Variants in ICAM5 observed in about 807,000 individuals in gnomAD.
The protein encoded by ICAM5 is intercellular adhesion molecule 5, also known as ICAM-5.
ICAM5 carries 38 observed loss-of-function variants against 78.8 expected under a neutral mutation model. The ratio of observed to expected loss-of-function variants is 0.48; its 90% CI spans 0.37 to 0.63. The LOEUF (loss-of-function observed/expected upper bound fraction) is 0.63, where lower values mean the gene tolerates loss of function less well. Ranked by LOEUF, ICAM5 falls within the 30% of genes least tolerant of loss-of-function variation. ICAM5 has a pLI of 0.00. For missense variants in ICAM5, 1,059 were observed against 1,303.0 expected (o/e 0.81, Z 2.88); for synonymous variants, 544 against 590.9 (o/e 0.92, Z 1.15).
Position 10,296,370 on chromosome 19 carries a change from G to T in ICAM5, c.2529G>T (p.Ala843=). The T allele has an allele frequency of 4.0e-6, 5 of 1,254,374 alleles. No homozygotes were observed. The highest frequency in any genetic ancestry group is 5.0e-6 in the Non-Finnish European group (5 of 991,956). 77.7% of individuals were successfully genotyped at this position (1,254,374 alleles called of 1,614,324 possible). ...GGCTATGGGTCGCCGTGGGCGGCGC[G>T]GCGGGGGGCGCGGCGCTGCTGGCCG... The part of the protein sequence containing the change: ...GPWLWVAVGG[A]AGGAALLAAG... The change falls in exon 11 of 11, where the codon GCG becomes GCT. Residue 843 remains alanine (A), a synonymous_variant. Transcript: ENST00000221980.
At chr19:10,295,230 C>CT (rs34124276) in intron 9 of ICAM5, 116 bp from the exon 10 acceptor site, 435,877 of 1,179,808 alleles carry the variant, frequency 0.37, 84,483 homozygotes, top group Admixed American at 0.49. Flanking sequence ...AGGCAGGATC[C>CT]TCTTCTGCCC....
Position 10,291,097 on chromosome 19 carries a change from G to C in ICAM5, c.108G>C (p.Ala36=). The C allele has an allele frequency of 6.2e-7, 1 of 1,611,350 alleles. No homozygotes were observed. The highest frequency in any genetic ancestry group is 8.5e-7 in the Non-Finnish European group (1 of 1,179,312). ...CGGTCTCGCAGGAGCCCTTCTGGGC[G>C]GACCTGCAGCCTCGCGTGGCGTTCG... The part of the protein sequence containing the change: ...LSAVSQEPFW[A]DLQPRVAFVE... Residue 36 remains alanine, a synonymous_variant, in exon 2 of 11, where the codon GCG becomes GCC. Coordinates refer to ENST00000221980, the MANE Select transcript of ICAM5 (RefSeq NM_003259.4).
chr19:10,294,655 CACCGGATGGAGGGG>C lies in ICAM5; in HGVS notation c.2230+18_2230+31del. On this transcript the variant is annotated intron_variant, in intron 9 of 10. Transcript: ENST00000221980. This position sits in a 1 kb window ranked among gnomAD's most constrained non-coding sequence, Gnocchi z 7.7. ...GGGCGTGGAATGTGAGTGGGGGCAGCACCGGATGGAGGGGACACGGTCCTCGGAAGAATGACTCG... is the reference window on the plus strand; with the variant it reads ...GGGCGTGGAATGTGAGTGGGGGCAGCACACGGTCCTCGGAAGAATGACTCG... 1 of 1,612,390 alleles carries C rather than the reference CACCGGATGGAGGGG, an allele frequency of 6.2e-7. No homozygotes were observed. The highest frequency in any genetic ancestry group is 1.7e-5 in the Admixed American group (1 of 59,712).
Position 10,293,689 on chromosome 19 carries a change from C to A in ICAM5, c.1466-9C>A. The A allele has an allele frequency of 6.2e-7, 1 of 1,610,762 alleles. No homozygotes were observed. Among genetic ancestry groups the A allele is most frequent in the South Asian group, 1.1e-5 (1 of 90,960 alleles). The stretch of plus-strand genomic sequence containing the variant: ...AACCCCAAAGCCAACAATACACTCC[C>A]TCCTCCAGACGCACCAGCGCTGGAC... On this transcript the variant is annotated splice_polypyrimidine_tract_variant and intron_variant, in intron 6 of 10. Coordinates refer to ENST00000221980, the MANE Select transcript of ICAM5 (RefSeq NM_003259.4). The surrounding 1 kb of genome is among the most constrained non-coding windows in gnomAD (Gnocchi z 5.0).
In ICAM5 at chr19:10,294,722, C is replaced by T; in HGVS notation, c.2230+82C>T. 1 of 1,576,044 alleles carries T rather than the reference C, an allele frequency of 6.3e-7. No homozygotes were observed. On this transcript the variant is annotated intron_variant, in intron 9 of 10. Coordinates refer to ENST00000221980, the MANE Select transcript of ICAM5 (RefSeq NM_003259.4). The surrounding 1 kb of genome is among the most constrained non-coding windows in gnomAD (Gnocchi z 7.7). Reference sequence around the variant, plus strand: ...GCGGTGGGAGCATTCAAGGGCACCTCTCCCAATCCCATTCTCGGGGACAGG... The same window carrying T: ...GCGGTGGGAGCATTCAAGGGCACCTTTCCCAATCCCATTCTCGGGGACAGG...
rs377423531 is a variant in ICAM5, at chr19:10,292,881, A to T, written c.1216+15A>T. 1.0e-5 allele frequency: 16 copies of T among 1,607,554 alleles called. No individual in the cohort carries two copies. In the African/African-American group the frequency reaches 1.9e-4, roughly 19 times the overall value. On this transcript the variant is annotated intron_variant, in intron 5 of 10. Coordinates refer to ENST00000221980, the MANE Select transcript of ICAM5 (RefSeq NM_003259.4). ...TCGTGTCCTATGTGAGTTGGTGATA[A>T]CCCCTCGCCCCCCACCTTCTGGTGA... is the stretch of plus-strand genomic sequence containing the variant.
chr19:10,294,236 A>C lies in ICAM5; in HGVS notation c.1908A>C (p.Arg636Ser), dbSNP rs771752095. 1 of 1,613,916 alleles carries C rather than the reference A, an allele frequency of 6.2e-7. No homozygotes were observed. The highest frequency in any genetic ancestry group is 2.2e-5 in the East Asian group (1 of 44,854). The change falls in exon 8 of 11, where the codon AGA becomes AGC. Residue 636 changes from arginine to serine, a missense_variant. Physicochemically the swap from Arg to Ser is moderately radical, Grantham distance 110 (BLOSUM62 -1). This residue lies in a region of ICAM5 where 815 missense variants were observed against 952.8 expected (regional missense o/e 0.86). Coordinates refer to ENST00000221980, the MANE Select transcript of ICAM5 (RefSeq NM_003259.4). This position sits in a 1 kb window ranked among gnomAD's most constrained non-coding sequence, Gnocchi z 7.7. ...DPSPRAPRIP[R>S]VLAPGIYVCN... ...GTCCCAGAGCTCCCAGAATCCCTAG[A>C]GTCCTGGCACCCGGTATCTACGTCT...
rs2040163280 is a variant in ICAM5, at chr19:10,290,589, C to T, written c.82+464C>T. 1 of 200,436 alleles carries T rather than the reference C, an allele frequency of 5.0e-6. No homozygotes were observed. The highest frequency in any genetic ancestry group is 1.0e-5 in the Non-Finnish European group (1 of 99,454). 12.4% of individuals were successfully genotyped at this position (200,436 alleles called of 1,614,324 possible). On this transcript the variant is annotated intron_variant, in intron 1 of 10. Coordinates refer to ENST00000221980, the MANE Select transcript of ICAM5 (RefSeq NM_003259.4). This position sits in a 1 kb window ranked among gnomAD's most constrained non-coding sequence, Gnocchi z 5.7. ...GGTTCCTTCCATGAGCCCAGCCTTG[C>T]GTCCCGGCTCCGTGTTCTTCACCGG...
At chr19:10,295,737 T>A in intron 10 of ICAM5, 125 bp downstream of exon 10, 2 of 1,156,162 alleles carry the variant, frequency 1.7e-6, no homozygotes, top group Non-Finnish European at 2.4e-6. Context: ...TGGGACAGAG[T>A]AGAAGTCAAA....
intron 10 of ICAM5, among the ~76,000 whole-genome samples, chr19:10,296,080 G>T (rs2081316028): frequency 6.6e-6 from 1 of 152,154 alleles, no homozygotes; most frequent in South Asian, 2.1e-4. Flanking sequence ...TGGGGGATGG[G>T]GAGAGTTGAC....
At chr19:10,296,277 G>C in intron 10 of ICAM5, 62 bp from the exon 11 acceptor site, 15 of 1,222,612 alleles carry the variant, frequency 1.2e-5, no homozygotes, top group Non-Finnish European at 1.4e-5. Flanking sequence ...TGGGAGTGCG[G>C]GGGGCGGTGG....
At position 10,290,927 on chromosome 19, in the gene ICAM5, G is replaced by A; in HGVS notation, c.83-145G>A. The A allele has an allele frequency of 9.3e-7, 1 of 1,071,782 alleles. No homozygotes were observed. Among genetic ancestry groups the A allele is most frequent in the Non-Finnish European group, 1.3e-6 (1 of 760,736 alleles). 66.4% of individuals were successfully genotyped at this position (1,071,782 alleles called of 1,614,324 possible). A position where few individuals can be genotyped will look rare whatever the true frequency, so the allele number is the denominator to read the frequency against. Reference sequence around the variant, plus strand: ...AGTGCGCCTTTAAACCGGAGGCCTGGGCAGGACGCGGGACGCCTGGGTTCT... The same window carrying A: ...AGTGCGCCTTTAAACCGGAGGCCTGAGCAGGACGCGGGACGCCTGGGTTCT... On this transcript the variant is annotated intron_variant, in intron 1 of 10. Coordinates refer to ENST00000221980, the MANE Select transcript of ICAM5 (RefSeq NM_003259.4). The surrounding 1 kb of genome is among the most constrained non-coding windows in gnomAD (Gnocchi z 5.7).
rs749948901 is a variant in ICAM5 at position 10,291,195 on chromosome 19, C to A, written c.206C>A (p.Thr69Asn). ...CPRPERGGLETSLRRNGTQRG... is the reference protein window; with the variant it reads ...CPRPERGGLENSLRRNGTQRG... ...CGGCCGGAGCGCGGTGGCCTGGAGA[C>A]CTCGCTGCGCCGAAACGGGACCCAG... is the stretch of plus-strand genomic sequence containing the variant. Residue 69 changes from threonine (T) to asparagine (N), a missense_variant, in exon 2 of 11, where the codon ACC becomes AAC. Physicochemically the swap from Thr to Asn is moderately conservative, Grantham distance 65. This residue lies in a region of ICAM5 where 815 missense variants were observed against 952.8 expected (regional missense o/e 0.86). Coordinates refer to ENST00000221980, the MANE Select transcript of ICAM5 (RefSeq NM_003259.4). 1 of 1,612,380 alleles carries A rather than the reference C, an allele frequency of 6.2e-7. No individual in the cohort carries two copies. The highest frequency in any genetic ancestry group is 8.5e-7 in the Non-Finnish European group (1 of 1,179,898).
chr19:10,294,103 G>T lies in ICAM5; in HGVS notation c.1775G>T (p.Arg592Leu). 4 of 1,598,324 alleles carry T rather than the reference G, an allele frequency of 2.5e-6. No homozygotes were observed. The South Asian group carries it at 4.5e-5, about 18-fold the overall frequency. ...TGGACATGGGTGGAAGGATCTGGGC[G>T]CCTGTTTTCCTGTGAGGTCGATGGG... The part of the protein sequence containing the change: ...SNWTWVEGSG[R>L]LFSCEVDGKP... Residue 592 changes from arginine to leucine, a missense_variant, in exon 8 of 11, where the codon CGC (arginine) becomes CTC (leucine). By Grantham distance (102) the Arg-to-Leu change is moderately radical. Around this residue, in one of 3 missense-constraint regions of ICAM5, gnomAD observed 815 missense variants for 952.8 expected, o/e 0.86. Transcript: ENST00000221980. The surrounding 1 kb of genome is among the most constrained non-coding windows in gnomAD (Gnocchi z 7.7).
In ICAM5 at chr19:10,293,070, G is replaced by T. The variant is rs538772813; in HGVS notation, c.1289G>T (p.Arg430Leu). The change falls in exon 6 of 11, where the codon CGC becomes CTC. Residue 430 changes from arginine (R) to leucine (L), a missense_variant. By Grantham distance (102) the Arg-to-Leu change is moderately radical. Around this residue, in one of 3 missense-constraint regions of ICAM5, gnomAD observed 815 missense variants for 952.8 expected, o/e 0.86. Transcript: ENST00000221980. This position sits in a 1 kb window ranked among gnomAD's most constrained non-coding sequence, Gnocchi z 5.0. ...TWPEGPEQTL[R>L]CEARGNPEPS... ...CCCGAGGGCCCAGAGCAGACGCTGC[G>T]CTGCGAGGCCCGCGGGAACCCAGAA... 4.7e-5 allele frequency: 76 copies of T among 1,610,318 alleles called. No individual in the cohort carries two copies. Among genetic ancestry groups the T allele is most frequent in the Non-Finnish European group, 5.4e-5 (64 of 1,179,844 alleles).
At position 10,293,232 on chromosome 19, in the gene ICAM5, C is replaced by T. The variant is rs770271293; in HGVS notation, c.1451C>T (p.Thr484Met). ...NDQGEAVKDV[T>M]LTVEYAPALD... ...CAAGGCGAGGCGGTCAAGGACGTAA[C>T]GCTAACGGTGGAGTGTGAGTGGGGG... is the stretch of plus-strand genomic sequence containing the variant. The change falls in exon 6 of 11, where the codon ACG becomes ATG. Residue 484 changes from threonine (T) to methionine (M), a missense_variant. Transcript: ENST00000221980. This position sits in a 1 kb window ranked among gnomAD's most constrained non-coding sequence, Gnocchi z 5.0. The T allele has an allele frequency of 6.3e-7, 1 of 1,586,308 alleles. No individual in the cohort carries two copies. The highest frequency in any genetic ancestry group is 8.6e-7 in the Non-Finnish European group (1 of 1,166,410).
chr19:10,296,624 C>T lies in ICAM5; in HGVS notation c.*8C>T. On this transcript the variant is annotated 3_prime_UTR_variant, in exon 11 of 11. Transcript: ENST00000221980. ...CAGCTGACATCGGCGTGAGCCCGCT[C>T]CCCTCTCCCCGCGGGCCGGGGGACG... 8.3e-7 allele frequency: 1 copy of T among 1,210,020 alleles called. No individual in the cohort carries two copies. The highest frequency in any genetic ancestry group is 1.0e-6 in the Non-Finnish European group (1 of 970,282). 75.0% of individuals were successfully genotyped at this position (1,210,020 alleles called of 1,614,324 possible). A position where few individuals can be genotyped will look rare whatever the true frequency, so the allele number is the denominator to read the frequency against.
chr19:10,294,691 C>T lies in ICAM5; in HGVS notation c.2230+51C>T, dbSNP rs1568301416. 1.2e-6 allele frequency: 2 copies of T among 1,608,156 alleles called. No individual in the cohort carries two copies. On this transcript the variant is annotated intron_variant, in intron 9 of 10. Coordinates refer to ENST00000221980, the MANE Select transcript of ICAM5 (RefSeq NM_003259.4). The surrounding 1 kb of genome is among the most constrained non-coding windows in gnomAD (Gnocchi z 7.7). Reference sequence around the variant, plus strand: ...GGGGACACGGTCCTCGGAAGAATGACTCGCAGCGGTGGGAGCATTCAAGGG... The same window carrying T: ...GGGGACACGGTCCTCGGAAGAATGATTCGCAGCGGTGGGAGCATTCAAGGG...
Position 10,294,017 on chromosome 19 carries a change from G to T in ICAM5, c.1712-23G>T, listed in dbSNP as rs371136676. ...GCTGGACTTCCTGGCCCCCGTGTGAGCCCCTGCAATCCTGTTTCCCAGATG... is the reference window on the plus strand; with the variant it reads ...GCTGGACTTCCTGGCCCCCGTGTGATCCCCTGCAATCCTGTTTCCCAGATG... On this transcript the variant is annotated intron_variant, in intron 7 of 10. Coordinates refer to ENST00000221980, the MANE Select transcript of ICAM5 (RefSeq NM_003259.4). This position sits in a 1 kb window ranked among gnomAD's most constrained non-coding sequence, Gnocchi z 7.7. 6.9e-6 allele frequency: 11 copies of T among 1,587,868 alleles called. No homozygotes were observed. The highest frequency in any genetic ancestry group is 9.4e-6 in the Non-Finnish European group (11 of 1,164,482).
Sources: allele counts gnomAD v4.1 joint callset (sites outside exome capture counted in the v4.1 genomes callset), GRCh38; gene constraint gnomAD v4.1.1; regional missense constraint gnomAD v4.1.1; non-coding constraint Gnocchi (gnomAD v3.1); transcripts MANE v1.5; gene names NCBI Gene and HGNC (gene_info 2026-07-23, HGNC 2026-07-21).